Variants in CFAP77 observed in about 807,000 individuals in gnomAD.
CFAP77 encodes cilia- and flagella-associated protein 77.
In CFAP77, 25 loss-of-function variants were observed where a neutral mutation model predicts 31.1. The observed-to-expected ratio is 0.80, with a 90% confidence interval of 0.59 to 1.12. The LOEUF is 1.12. CFAP77 is among the 50% of genes most tolerant of loss of function. CFAP77 has a pLI of 0.00. For synonymous variants in CFAP77, 151 were observed against 159.9 expected, an observed-to-expected ratio of 0.94 and a Z score of 0.42; for missense variants, 377 against 397.3, an observed-to-expected ratio of 0.95 and a Z score of 0.44.
chr9:132,450,189 C>A (rs1850802206), intron 1 of CFAP77, among the ~76,000 whole-genome samples: 1 of 151,076 alleles, frequency 6.6e-6, no homozygotes, highest in African/African-American at 2.4e-5. Context: ...CTCGCCCTCC[C>A]AAAGTGCTGG....
intron 1 of CFAP77, among the ~76,000 whole-genome samples, chr9:132,414,443 G>T (rs1850062210): frequency 6.6e-6 from 1 of 151,572 alleles, no homozygotes; most frequent in Admixed American, 6.6e-5. Context: ...GAAGAGGCAG[G>T]CAGCTTAGCA....
chr9:132,446,730 A>G (rs184711109), intron 1 of CFAP77, among the ~76,000 whole-genome samples: 2,079 of 144,634 alleles, frequency 0.014, 33 homozygotes, highest in Non-Finnish European at 0.022. Context: ...GACAGAGCAA[A>G]ACTCCTCCGT....
chr9:132,486,200 C>T (rs1334771156), intron 1 of CFAP77, among the ~76,000 whole-genome samples: 1 of 145,034 alleles, frequency 6.9e-6, no homozygotes, highest in East Asian at 2.0e-4. Flanking sequence ...TCGTGCCGTT[C>T]TCCTGCCTCA....
At chr9:132,410,939 G>T (rs1235416145) in intron 1 of CFAP77, among the ~76,000 whole-genome samples, 2 of 152,202 alleles carry the variant, frequency 1.3e-5, no homozygotes, top group Non-Finnish European at 2.9e-5. Flanking sequence ...TGTCCTGGAA[G>T]CATCACGTCG....
chr9:132,573,098 G>A lies in CFAP77; in HGVS notation c.*588G>A, dbSNP rs937795707. 4 of 152,334 alleles carry A rather than the reference G, an allele frequency of 2.6e-5. No individual in the cohort carries two copies. The highest frequency in any genetic ancestry group is 9.7e-5 in the African/African-American group (4 of 41,406). The allele number at this position is 152,334 out of a possible 1,614,324, so 9.4% of individuals were successfully genotyped here. On this transcript the variant is annotated 3_prime_UTR_variant, in exon 6 of 6. Transcript: ENST00000393216. ...TCAGTGCTGGGGCCCCGTCAATCAA[G>A]CAGGCCAAGTTGGACTCCTCCCCCA...
At chr9:132,510,846 GCTGGGT>G (rs1852024132) in intron 3 of CFAP77, among the ~76,000 whole-genome samples, 2 of 152,178 alleles carry the variant, frequency 1.3e-5, no homozygotes, top group Non-Finnish European at 2.9e-5. Flanking sequence ...TAGACACCAT[GCTGGGT>G]GCCTCATACA....
intron 1 of CFAP77, among the ~76,000 whole-genome samples, chr9:132,442,736 CTTGCTATA>C (rs1850633323): frequency 1.3e-5 from 2 of 151,026 alleles, no homozygotes; most frequent in Admixed American, 6.6e-5. Flanking sequence ...GAGATGGGAT[CTTGCTATA>C]TTGCCCAGTC....
chr9:132,550,444 G>A (rs1017317689), intron 5 of CFAP77, among the ~76,000 whole-genome samples: 2 of 150,944 alleles, frequency 1.3e-5, no homozygotes, highest in Non-Finnish European at 2.9e-5. Context: ...ATAAATCTCC[G>A]ATGATCTAGA....
At chr9:132,456,252 C>A (rs1850910174) in intron 1 of CFAP77, among the ~76,000 whole-genome samples, 2 of 152,198 alleles carry the variant, frequency 1.3e-5, no homozygotes, top group Admixed American at 1.3e-4. Context: ...GAATGGGTGA[C>A]TGAGGAGGGG....
rs60703555 is a variant in CFAP77 at position 132,453,130 on chromosome 9, C to A, written c.195+42664C>A. On this transcript the variant is annotated intron_variant, in intron 1 of 5. Transcript: ENST00000393216. ...GACCTGACACTCAGCCTTCACTCTT[C>A]CCTTCATGCCCTCAGTGAATCTCCA... Among the ~76,000 whole-genome samples the A allele has an allele frequency of 8.5e-3, 1,292 of 152,286 alleles. 13 individuals are homozygous for A. Among genetic ancestry groups the A allele is most frequent in the African/African-American group, 0.028 (1,174 of 41,554 alleles).
chr9:132,451,415 G>A lies in CFAP77; in HGVS notation c.195+40949G>A, dbSNP rs538246174. Among the ~76,000 whole-genome samples, 13 of 152,018 alleles carry A rather than the reference G, an allele frequency of 8.6e-5. No individual in the cohort carries two copies. In the East Asian group the frequency reaches 9.7e-4, roughly 11 times the overall value. The stretch of plus-strand genomic sequence containing the variant: ...CTGCCACAAACAGTGGTCTTTTAGC[G>A]CTGGTGGTTTTAACACTCAAGTGAG... On this transcript the variant is annotated intron_variant, in intron 1 of 5. Coordinates refer to ENST00000393216, the MANE Select transcript of CFAP77 (RefSeq NM_001282957.2).
intron 1 of CFAP77, among the ~76,000 whole-genome samples, chr9:132,459,072 A>G (rs10901177): frequency 9.6e-6 from 1 of 104,468 alleles, no homozygotes; most frequent in Non-Finnish European, 2.2e-5. Flanking sequence ...CCCTGAAACT[A>G]TTTTTTTTTT....
intron 5 of CFAP77, among the ~76,000 whole-genome samples, chr9:132,548,286 G>GGGGGGGGGGGGGGGC (rs1564248910): frequency 7.8e-6 from 1 of 128,890 alleles, no homozygotes; most frequent in African/African-American, 2.9e-5. Context: ...GGGGGGTGGG[G>GGGGGGGGGGGGGGGC]GGTGAAGCTG....
rs111650431 is a variant in CFAP77 at position 132,453,993 on chromosome 9, T to A, written c.195+43527T>A. Among the ~76,000 whole-genome samples the A allele has an allele frequency of 2.8e-3, 428 of 152,322 alleles. 2 individuals carry two copies. The highest frequency in any genetic ancestry group is 9.2e-3 in the African/African-American group (383 of 41,566). Reference sequence around the variant, plus strand: ...ATAAATTACAGTCCTAATAAGTAGGTTGCCCAGAAGGAGGGCGGTGGCACC... The same window carrying A: ...ATAAATTACAGTCCTAATAAGTAGGATGCCCAGAAGGAGGGCGGTGGCACC... On this transcript the variant is annotated intron_variant, in intron 1 of 5. Coordinates refer to ENST00000393216, the MANE Select transcript of CFAP77 (RefSeq NM_001282957.2).
intron 3 of CFAP77, among the ~76,000 whole-genome samples, chr9:132,525,585 G>A (rs918322374): frequency 6.6e-6 from 1 of 152,114 alleles, no homozygotes; most frequent in African/African-American, 2.4e-5. Context: ...CCATTCAGCT[G>A]CCAATTTTAT....
At chr9:132,478,638 T>C (rs548520588) in intron 1 of CFAP77, among the ~76,000 whole-genome samples, 44 of 152,258 alleles carry the variant, frequency 2.9e-4, no homozygotes, top group African/African-American at 9.9e-4. Flanking sequence ...CCAAGGCAGA[T>C]GGGGCCCGGC....
intron 3 of CFAP77, among the ~76,000 whole-genome samples, chr9:132,513,857 C>T (rs1852087753): frequency 6.6e-6 from 1 of 152,190 alleles, no homozygotes; most frequent in South Asian, 2.1e-4. Context: ...CCCATCTGCC[C>T]TCCCATCTTC....
At chr9:132,477,115 G>T (rs1274757022) in intron 1 of CFAP77, among the ~76,000 whole-genome samples, 2 of 152,196 alleles carry the variant, frequency 1.3e-5, no homozygotes, top group East Asian at 1.9e-4. Flanking sequence ...TGTGTGCCAG[G>T]ATGCTCAGAA....
intron 3 of CFAP77, chr9:132,513,274 A>G (rs1386129271): frequency 1.9e-6 from 3 of 1,548,824 alleles, no homozygotes; most frequent in African/African-American, 1.4e-5. Context: ...TTTCCAAACA[A>G]ATAGAAAAGT....
Sources: allele counts gnomAD v4.1 joint callset (sites outside exome capture counted in the v4.1 genomes callset), GRCh38; gene constraint gnomAD v4.1.1; transcripts MANE v1.5; gene names NCBI Gene and HGNC (gene_info 2026-07-23, HGNC 2026-07-21).